PAK3: variants seen among roughly 807,000 people sequenced by gnomAD.
The protein encoded by PAK3 is serine/threonine-protein kinase PAK 3.
A neutral mutation model predicts 41.0 loss-of-function variants in PAK3; 4 were observed. The ratio of observed to expected loss-of-function variants is 0.10; its 90% CI spans 0.05 to 0.22. The LOEUF is 0.22. Among genes scored for constraint, PAK3 ranks in the 10% least tolerant of loss-of-function variants. PAK3 has a pLI of 1.00. For synonymous variants in PAK3, 146 were observed against 139.6 expected (o/e 1.05, Z -0.32); for missense variants, 205 against 409.9 (o/e 0.50, Z 4.32).
intron 1 of PAK3, among the ~76,000 whole-genome samples, chrX:111,002,704 G>A (rs1230716936): frequency 9.0e-6 from 1 of 111,347 alleles, no homozygotes; most frequent in Non-Finnish European, 1.9e-5. Flanking sequence ...AACTAGAGAG[G>A]CAGAGCACTG....
chrX:111,158,979 G>A (rs1341796296), intron 8 of PAK3, among the ~76,000 whole-genome samples: 1 of 111,512 alleles, frequency 9.0e-6, no homozygotes, highest in Non-Finnish European at 1.9e-5. Context: ...CTCTAGGGCC[G>A]TTTTTAGAGC....
At chrX:111,088,377 G>C (rs1050666754) in intron 1 of PAK3, among the ~76,000 whole-genome samples, 2 of 111,925 alleles carry the variant, frequency 1.8e-5, no homozygotes, top group African/African-American at 6.5e-5. Flanking sequence ...TTTAATTACA[G>C]AGACTGCATG....
At chrX:111,115,534 C>A in intron 4 of PAK3, among the ~76,000 whole-genome samples, 1 of 111,284 alleles carries the variant, frequency 9.0e-6, no homozygotes, top group Admixed American at 9.6e-5. Context: ...TTAAGAAAGC[C>A]TGTTTTTAAT....
At chrX:110,960,378 T>G (rs1380129625) in intron 1 of PAK3, among the ~76,000 whole-genome samples, 1 of 111,816 alleles carries the variant, frequency 8.9e-6, no homozygotes, top group Non-Finnish European at 1.9e-5. Context: ...ATTTTAAATA[T>G]AAGGGAATAA....
chrX:111,074,956 A>G (rs761155438), intron 1 of PAK3, among the ~76,000 whole-genome samples: 1 of 111,902 alleles, frequency 8.9e-6, no homozygotes, highest in South Asian at 3.8e-4. Flanking sequence ...AAGAGTGATG[A>G]CTTTGGGTAT....
chrX:111,054,329 G>T (rs2092585900), intron 1 of PAK3, among the ~76,000 whole-genome samples: 1 of 112,526 alleles, frequency 8.9e-6, no homozygotes, highest in Non-Finnish European at 1.9e-5. Context: ...CCTAGTCAGT[G>T]CTGCATTATC....
At chrX:111,064,476 G>T in intron 1 of PAK3, among the ~76,000 whole-genome samples, 1 of 97,894 alleles carries the variant, frequency 1.0e-5, no homozygotes, top group South Asian at 5.7e-4. Context: ...AGTCCCTAGT[G>T]TCTATTGCTG....
At chrX:111,044,957 A>T (rs980839177) in intron 1 of PAK3, among the ~76,000 whole-genome samples, 1 of 112,073 alleles carries the variant, frequency 8.9e-6, no homozygotes, top group Non-Finnish European at 1.9e-5. Flanking sequence ...TGAAAGTTTC[A>T]GGCTATATGA....
chrX:111,214,332 G>C lies in PAK3; in HGVS notation c.1408-2089G>C, dbSNP rs768542731. On this transcript the variant is annotated intron_variant, in intron 16 of 17. Coordinates refer to ENST00000372007, the MANE Select transcript of PAK3 (RefSeq NM_002578.5). ...TGGTTGTAAATTGGAATCACCTGGA[G>C]AGCTTAAAAATATTGGCACCTAGGT... is the stretch of plus-strand genomic sequence containing the variant. Among the ~76,000 whole-genome samples, 11 of 111,613 alleles carry C rather than the reference G, an allele frequency of 9.9e-5. 1 individual carries two copies. In the South Asian group the frequency reaches 4.2e-3, roughly 42 times the overall value.
At chrX:110,945,232 T>C (rs2148580532) in intron 1 of PAK3, among the ~76,000 whole-genome samples, 1 of 111,535 alleles carries the variant, frequency 9.0e-6, no homozygotes, top group African/African-American at 3.3e-5. Context: ...TGTGTGTGTG[T>C]GTGTGTGTGC....
chrX:111,187,588 T>C (rs747220058), intron 11 of PAK3, among the ~76,000 whole-genome samples: 19 of 111,552 alleles, frequency 1.7e-4, no homozygotes, highest in Admixed American at 5.8e-4. Context: ...AGAGCTTTAA[T>C]AGATGAATCT....
intron 1 of PAK3, among the ~76,000 whole-genome samples, chrX:111,078,256 TTTTTG>T (rs1569304604): frequency 9.1e-6 from 1 of 110,314 alleles, no homozygotes. Context: ...CATAGTTTTT[TTTTTG>T]TTTTGTTTTG....
upstream of PAK3, among the ~76,000 whole-genome samples, chrX:111,092,968 G>A (rs1029539239): frequency 4.5e-5 from 5 of 111,674 alleles, no homozygotes; most frequent in East Asian, 2.8e-4. Flanking sequence ...TTACACTCCC[G>A]TCAATTGTAT....
At chrX:111,088,344 A>G (rs1373161716) in intron 1 of PAK3, among the ~76,000 whole-genome samples, 1 of 112,060 alleles carries the variant, frequency 8.9e-6, no homozygotes, top group African/African-American at 3.2e-5. Context: ...AAAATAGTGA[A>G]CCTGGGATTT....
intron 1 of PAK3, among the ~76,000 whole-genome samples, chrX:110,958,796 G>C (rs1459532062): frequency 9.0e-6 from 1 of 111,397 alleles, no homozygotes; most frequent in Non-Finnish European, 1.9e-5. Context: ...GACAGTAGCT[G>C]TGTCTTACTC....
intron 1 of PAK3, among the ~76,000 whole-genome samples, chrX:110,952,012 T>C (rs2090754405): frequency 1.8e-5 from 2 of 112,419 alleles, no homozygotes; most frequent in South Asian, 7.4e-4. Flanking sequence ...CTTGGCTTCC[T>C]GCAAAGAGGA....
At position 111,181,997 on chromosome X, in the gene PAK3, G is replaced by A. The variant is rs548505853; in HGVS notation, c.830+8916G>A. ...CAATGTTTATGGAGCAATGGAAGATGCTCTTTGTTCTACTTAATGCTCTTA... is the reference window on the plus strand; with the variant it reads ...CAATGTTTATGGAGCAATGGAAGATACTCTTTGTTCTACTTAATGCTCTTA... On this transcript the variant is annotated intron_variant, in intron 11 of 17. Transcript: ENST00000372007. Among the ~76,000 whole-genome samples the A allele has an allele frequency of 4.5e-4, 50 of 111,999 alleles. No homozygotes were observed. The South Asian group carries it at 0.016, about 36-fold the overall frequency.
At chrX:111,026,547 C>T (rs1320889698) in intron 1 of PAK3, among the ~76,000 whole-genome samples, 1 of 111,242 alleles carries the variant, frequency 9.0e-6, no homozygotes, top group African/African-American at 3.3e-5. Flanking sequence ...ACTCAACCCC[C>T]TTCCCAATAG....
chrX:111,019,739 A>G lies in PAK3; in HGVS notation c.-28+75111A>G, dbSNP rs775645607. On this transcript the variant is annotated intron_variant, in intron 1 of 14. Coordinates refer to the PAK3 transcript ENST00000425146. ...AAAGAAAAAGGGGGGGGGGCAAATG[A>G]TTTGAATATACATTTCTCCAAAGAA... is the stretch of plus-strand genomic sequence containing the variant. 3.1e-3 allele frequency among the ~76,000 whole-genome samples: 328 copies of G among 105,082 alleles called. 1 individual carries two copies. The highest frequency in any genetic ancestry group is 4.5e-3 in the Non-Finnish European group (232 of 51,325). 91.3% of individuals were successfully genotyped at this position (105,082 alleles called of 115,157 possible). A position where few individuals can be genotyped will look rare whatever the true frequency, so the allele number is the denominator to read the frequency against.
Sources: allele counts gnomAD v4.1 joint callset (sites outside exome capture counted in the v4.1 genomes callset), GRCh38; gene constraint gnomAD v4.1.1; transcripts MANE v1.5; gene names NCBI Gene and HGNC (gene_info 2026-07-23, HGNC 2026-07-21).